The following COL10A1 variants were observed in gnomAD, a reference collection of about 807,000 sequenced individuals.
COL10A1 encodes collagen alpha-1(X) chain.
A neutral mutation model predicts 18.2 loss-of-function variants in COL10A1; 10 were observed. The ratio of observed to expected loss-of-function variants is 0.55; its 90% CI spans 0.34 to 0.93. The LOEUF (loss-of-function observed/expected upper bound fraction) is 0.93, where lower values mean the gene tolerates loss of function less well. Ranked by LOEUF, COL10A1 falls within the 40% of genes least tolerant of loss-of-function variation. The pLI, the probability that COL10A1 is intolerant of heterozygous loss-of-function variation, is 0.02. For missense variants in COL10A1, 897 were observed against 853.5 expected (o/e 1.05, Z -0.64); for synonymous variants, 330 against 316.6 (o/e 1.04, Z -0.45).
chr6:116,160,456 A>T (rs1374599118), upstream of COL10A1, among the ~76,000 whole-genome samples: 1 of 151,928 alleles, frequency 6.6e-6, no homozygotes, highest in Non-Finnish European at 1.5e-5. Flanking sequence ...CTACTTTTTA[A>T]TGGAATTTTT....
intron 1 of COL10A1, among the ~76,000 whole-genome samples, chr6:116,138,549 G>C (rs1443348630): frequency 1.3e-5 from 2 of 151,900 alleles, no homozygotes; most frequent in Non-Finnish European, 2.9e-5. Context: ...GAAGCTAATT[G>C]AAAAGCAAAT....
At chr6:116,185,598 T>G in the COL10A1 span, among the ~76,000 whole-genome samples, 1 of 152,116 alleles carries the variant, frequency 6.6e-6, no homozygotes, top group African/African-American at 2.4e-5. Flanking sequence ...GTTGGACTAG[T>G]CCTTTTATCC....
At chr6:116,140,013 A>G (rs756440321) in intron 1 of COL10A1, among the ~76,000 whole-genome samples, 3 of 152,132 alleles carry the variant, frequency 2.0e-5, no homozygotes, top group Non-Finnish European at 4.4e-5. Flanking sequence ...GACTTACGTG[A>G]TAGATATTAC....
chr6:116,187,425 G>A, the COL10A1 span, among the ~76,000 whole-genome samples: 3 of 152,204 alleles, frequency 2.0e-5, no homozygotes, highest in South Asian at 2.1e-4. Context: ...GAAGAACAGG[G>A]CAAGAGGGTC....
the COL10A1 span, among the ~76,000 whole-genome samples, chr6:116,196,554 C>G: frequency 4.0e-5 from 6 of 151,754 alleles, no homozygotes; most frequent in Admixed American, 3.9e-4. Context: ...GAAAAATACT[C>G]AAACTATTTG....
intron 1 of COL10A1, among the ~76,000 whole-genome samples, chr6:116,133,510 G>A (rs1403558626): frequency 6.6e-6 from 1 of 152,100 alleles, no homozygotes; most frequent in Non-Finnish European, 1.5e-5. Context: ...AGAATATTAA[G>A]TACCTATAGG....
intron 1 of COL10A1, among the ~76,000 whole-genome samples, chr6:116,145,698 T>A (rs1779881952): frequency 6.6e-6 from 1 of 152,226 alleles, no homozygotes; most frequent in Admixed American, 6.5e-5. Flanking sequence ...GTATCTTCCA[T>A]CCTATAAAAT....
At chr6:116,129,395 A>C (rs942130112), upstream of COL10A1, among the ~76,000 whole-genome samples, 2 of 152,202 alleles carry the variant, frequency 1.3e-5, no homozygotes, top group African/African-American at 4.8e-5. Flanking sequence ...CTTAATTCTT[A>C]ATGTAACAGT....
In COL10A1 at chr6:116,125,442, A is replaced by G; in HGVS notation, c.51T>C (p.His17=). ...FLLLVSLNLV[H]GVFYAERYQM... is the part of the protein sequence containing the mutation. ...GGTATCGTTCAGCGTAAAACACTCC[A>G]TGAACCAAGTTCAAGGATACTAGCA... Residue 17 remains histidine (H), a synonymous_variant, in exon 2 of 3, where the codon CAT becomes CAC. Transcript: ENST00000651968. 4 of 1,613,870 alleles carry G rather than the reference A, an allele frequency of 2.5e-6. No individual in the cohort carries two copies. The highest frequency in any genetic ancestry group is 4.5e-5 in the East Asian group (2 of 44,814).
intron 1 of COL10A1, among the ~76,000 whole-genome samples, chr6:116,132,109 C>A (rs2114333841): frequency 6.6e-6 from 1 of 152,166 alleles, no homozygotes; most frequent in South Asian, 2.1e-4. Context: ...ATGTCTTTAA[C>A]ACAAATACTT....
At chr6:116,182,345 A>G in the COL10A1 span, among the ~76,000 whole-genome samples, 1 of 151,938 alleles carries the variant, frequency 6.6e-6, no homozygotes, top group Non-Finnish European at 1.5e-5. Flanking sequence ...GCTGCTATAA[A>G]TGTGTGTGTA....
chr6:116,121,751 G>A lies in COL10A1; in HGVS notation c.365C>T (p.Pro122Leu), dbSNP rs1779136697. ...GLPGKPGERG[P>L]YGPKGDVGPA... ...TCCAACATCTCCTTTTGGTCCATAT[G>A]GTCCTCTCTCTCCTGGTTTTCCTGG... Residue 122 changes from proline to leucine, a missense_variant, in exon 3 of 3, where the codon CCA (proline) becomes CTA (leucine). Coordinates refer to ENST00000651968, the MANE Select transcript of COL10A1 (RefSeq NM_000493.4). 1.2e-6 allele frequency: 2 copies of A among 1,613,770 alleles called. No individual in the cohort carries two copies. Among genetic ancestry groups the A allele is most frequent in the African/African-American group, 1.3e-5 (1 of 74,800 alleles).
chr6:116,185,578 A>G, the COL10A1 span, among the ~76,000 whole-genome samples: 1 of 152,038 alleles, frequency 6.6e-6, no homozygotes, highest in East Asian at 1.9e-4. Context: ...TAAGATTGTG[A>G]TGTTTTTCTG....
intron 1 of COL10A1, among the ~76,000 whole-genome samples, chr6:116,135,610 A>G (rs1779570839): frequency 6.6e-6 from 1 of 151,634 alleles, no homozygotes; most frequent in Non-Finnish European, 1.5e-5. Context: ...TGCACGAGCT[A>G]TATTTAATAT....
chr6:116,192,430 A>G, the COL10A1 span, among the ~76,000 whole-genome samples: 1 of 152,030 alleles, frequency 6.6e-6, no homozygotes, highest in Non-Finnish European at 1.5e-5. Flanking sequence ...CCATTATTTT[A>G]AAAAGAGAAA....
chr6:116,135,346 G>A (rs1030052544), intron 1 of COL10A1, among the ~76,000 whole-genome samples: 3 of 152,014 alleles, frequency 2.0e-5, no homozygotes, highest in Non-Finnish European at 4.4e-5. Context: ...AGAGCTGAAA[G>A]AGATACTAAT....
the COL10A1 span, among the ~76,000 whole-genome samples, chr6:116,169,006 T>C: frequency 0.013 from 2,026 of 151,552 alleles, 42 homozygotes; most frequent in African/African-American, 0.045. Flanking sequence ...CCCTGGAGAG[T>C]TTATTAGCCT....
the COL10A1 span, among the ~76,000 whole-genome samples, chr6:116,215,998 C>A: frequency 4.6e-5 from 7 of 152,022 alleles, no homozygotes; most frequent in Non-Finnish European, 1.5e-5. Flanking sequence ...CAAAGAATTC[C>A]ATAATATACA....
the COL10A1 span, among the ~76,000 whole-genome samples, chr6:116,209,545 T>C: frequency 6.6e-6 from 1 of 152,018 alleles, no homozygotes; most frequent in Non-Finnish European, 1.5e-5. Flanking sequence ...AATGCCATCA[T>C]TGATGTGCAG....
Sources: gnomAD v4.1 joint callset for allele counts (sites outside exome capture counted in the v4.1 genomes callset) on GRCh38, gnomAD v4.1.1 for gene constraint, MANE v1.5 for transcripts, NCBI Gene and HGNC (gene_info 2026-07-23, HGNC 2026-07-21) for gene names.